The following RPS6KA3 variants were observed in gnomAD, a reference collection of about 807,000 sequenced individuals.
The protein encoded by RPS6KA3 is ribosomal protein S6 kinase A3, also known as ribosomal protein S6 kinase alpha-3.
A neutral mutation model predicts 67.2 loss-of-function variants in RPS6KA3; 4 were observed. The ratio of observed to expected loss-of-function variants is 0.06; its 90% CI spans 0.03 to 0.14. The LOEUF is 0.14. Among genes scored for constraint, RPS6KA3 ranks in the 10% least tolerant of loss-of-function variants. The pLI is 1.00. For synonymous variants in RPS6KA3, 182 were observed against 183.7 expected (o/e 0.99, Z 0.07); for missense variants, 204 against 559.0 (o/e 0.36, Z 6.40).
intron 1 of RPS6KA3, among the ~76,000 whole-genome samples, chrX:20,244,640 AATT>A (rs1167230158): frequency 8.9e-6 from 1 of 112,325 alleles, no homozygotes; most frequent in Non-Finnish European, 1.9e-5. Context: ...CAGATAAGAT[AATT>A]AAATTCAAGT....
intron 1 of RPS6KA3, among the ~76,000 whole-genome samples, chrX:20,244,640 A>C (rs2069637887): frequency 8.9e-6 from 1 of 112,325 alleles, no homozygotes; most frequent in African/African-American, 3.2e-5. Flanking sequence ...CAGATAAGAT[A>C]ATTAAATTCA....
intron 19 of RPS6KA3, among the ~76,000 whole-genome samples, chrX:20,162,436 T>C (rs748050829): frequency 1.0e-4 from 11 of 109,225 alleles, no homozygotes; most frequent in Admixed American, 9.8e-4. Flanking sequence ...AATAGCACAT[T>C]ATAAAAAATC....
rs1269985780 is a variant in RPS6KA3, at chrX:20,225,241, TTG to T, written c.126+9515_126+9516del. On this transcript the variant is annotated intron_variant, in intron 2 of 21. Coordinates refer to ENST00000379565, the MANE Select transcript of RPS6KA3 (RefSeq NM_004586.3). ...GATAAAAAGGGGAGGTTTTTTTTTT[TTG>T]TTTTTTTTTTTGTTTTTTTTTTTTT... Among the ~76,000 whole-genome samples, 332 of 92,376 alleles carry T rather than the reference TTG, an allele frequency of 3.6e-3. 3 individuals are homozygous for T. The highest frequency in any genetic ancestry group is 0.014 in the African/African-American group (316 of 23,240). The allele number at this position is 92,376 out of a possible 115,157, so 80.2% of individuals were successfully genotyped here.
chrX:20,181,970 G>A, intron 10 of RPS6KA3, among the ~76,000 whole-genome samples: 1 of 112,076 alleles, frequency 8.9e-6, no homozygotes, highest in Non-Finnish European at 1.9e-5. Context: ...CTGAAAGGGA[G>A]GGATCAAAGT....
At chrX:20,243,794 C>T (rs1250759225) in intron 1 of RPS6KA3, among the ~76,000 whole-genome samples, 1 of 111,183 alleles carries the variant, frequency 9.0e-6, no homozygotes, top group East Asian at 2.8e-4. Context: ...ACGGCTGGCC[C>T]TAAAACCCCT....
chrX:20,219,323 C>A (rs1460914816), intron 2 of RPS6KA3, among the ~76,000 whole-genome samples: 3 of 111,450 alleles, frequency 2.7e-5, no homozygotes, highest in Non-Finnish European at 5.7e-5. Context: ...TATACACACA[C>A]TCAAGCCGTG....
intron 2 of RPS6KA3, among the ~76,000 whole-genome samples, chrX:20,227,956 T>C (rs1427147350): frequency 8.9e-6 from 1 of 111,817 alleles, no homozygotes; most frequent in African/African-American, 3.2e-5. Context: ...TTTTCTCTCC[T>C]ACTTTCTACC....
chrX:20,250,744 C>A (rs151184744), intron 1 of RPS6KA3, among the ~76,000 whole-genome samples: 284 of 111,789 alleles, frequency 2.5e-3, no homozygotes, highest in African/African-American at 8.0e-3. Context: ...GCATGCAATT[C>A]TTATATGTTG....
intron 2 of RPS6KA3, among the ~76,000 whole-genome samples, chrX:20,214,652 T>C (rs1293114913): frequency 2.7e-4 from 30 of 111,242 alleles, no homozygotes; most frequent in Non-Finnish European, 5.5e-4. Flanking sequence ...TGAACCTTTA[T>C]AATCTAAAGA....
chrX:20,207,172 G>A (rs1340523188), intron 3 of RPS6KA3, among the ~76,000 whole-genome samples: 1 of 112,060 alleles, frequency 8.9e-6, no homozygotes, highest in East Asian at 2.8e-4. Context: ...AAAGGTGGTA[G>A]CATATTCTCA....
chrX:20,198,280 A>G (rs1388269057), intron 4 of RPS6KA3, among the ~76,000 whole-genome samples: 1 of 112,292 alleles, frequency 8.9e-6, no homozygotes, highest in Non-Finnish European at 1.9e-5. Context: ...GAGAAAGCTA[A>G]AAATCTAAGC....
intron 2 of RPS6KA3, among the ~76,000 whole-genome samples, chrX:20,210,786 T>C (rs746330860): frequency 6.3e-5 from 7 of 111,115 alleles, no homozygotes; most frequent in Admixed American, 1.9e-4. Context: ...CCATGCATTA[T>C]CTCCTTTAAT....
rs398124176 is a variant in RPS6KA3, at chrX:20,204,062, C to T, written c.285G>A (p.Gln95=). ...VKKISGSDAR[Q]LYAMKVLKKA... is the part of the protein sequence containing the mutation. ...TCTTCAATACCTTCATGGCATAAAG[C>T]TGCCTAGCATCAGAGCCTGAGATTT... The change falls in exon 4 of 22, where the codon CAG becomes CAA. Residue 95 remains glutamine (Q), a synonymous_variant. Transcript: ENST00000379565. 1.3e-5 allele frequency: 16 copies of T among 1,206,596 alleles called. No individual in the cohort carries two copies. The highest frequency in any genetic ancestry group is 1.8e-5 in the Non-Finnish European group (16 of 891,914).
At chrX:20,173,752 A>C (rs185221544) in intron 14 of RPS6KA3, among the ~76,000 whole-genome samples, 13 of 112,719 alleles carry the variant, frequency 1.2e-4, no homozygotes, top group African/African-American at 4.2e-4. Context: ...AGCTCTGCTT[A>C]AAAACCAGTG....
At chrX:20,235,295 T>C (rs377323694) in intron 1 of RPS6KA3, among the ~76,000 whole-genome samples, 1 of 110,998 alleles carries the variant, frequency 9.0e-6, no homozygotes. Flanking sequence ...TGTACAAGTA[T>C]TAGAATACAG....
At chrX:20,259,920 G>A in intron 1 of RPS6KA3, among the ~76,000 whole-genome samples, 1 of 110,902 alleles carries the variant, frequency 9.0e-6, no homozygotes, top group Non-Finnish European at 1.9e-5. Flanking sequence ...AGACTTTTCG[G>A]CTTGAAAAAT....
chrX:20,234,586 A>G (rs2069359728), intron 2 of RPS6KA3, among the ~76,000 whole-genome samples, 172 bp downstream of exon 2: 1 of 112,133 alleles, frequency 8.9e-6, no homozygotes, highest in Non-Finnish European at 1.9e-5. Context: ...CTTATCAAAC[A>G]GTTTTTAGAA....
chrX:20,235,681 G>A (rs772816973), intron 1 of RPS6KA3, among the ~76,000 whole-genome samples: 5 of 111,302 alleles, frequency 4.5e-5, no homozygotes, highest in Admixed American at 9.6e-5. Context: ...ACGAGGGTAC[G>A]GGGGAGAGAG....
At chrX:20,226,162 C>A (rs1235174853) in intron 2 of RPS6KA3, among the ~76,000 whole-genome samples, 1 of 111,202 alleles carries the variant, frequency 9.0e-6, no homozygotes, top group Non-Finnish European at 1.9e-5. Context: ...CAGAGTGAGA[C>A]CCTGTTTCCA....
Sources: gnomAD v4.1 joint callset for allele counts (sites outside exome capture counted in the v4.1 genomes callset) on GRCh38, gnomAD v4.1.1 for gene constraint, MANE v1.5 for transcripts, NCBI Gene and HGNC (gene_info 2026-07-23, HGNC 2026-07-21) for gene names.